Variants in CEP135 observed in about 807,000 individuals in gnomAD.
The protein encoded by CEP135 is centrosomal protein 135.
Under a neutral mutation model 157.3 loss-of-function variants are expected in CEP135, and 142 were observed. The observed-to-expected ratio is 0.90, with a 90% CI of 0.79 to 1.04. The LOEUF (loss-of-function observed/expected upper bound fraction) is 1.04. CEP135 is among the 50% of genes least tolerant of loss of function. CEP135 has a pLI of 0.00. For missense variants in CEP135, 1,317 were observed against 1,309.2 expected (o/e 1.01, Z -0.09); for synonymous variants, 396 against 439.8 (o/e 0.90, Z 1.25).
rs760955800 is a variant in CEP135 at position 55,964,289 on chromosome 4, C to T, written c.715C>T (p.Arg239Ter). 3.1e-6 allele frequency: 5 copies of T among 1,610,100 alleles called. No individual in the cohort carries two copies. Among genetic ancestry groups the T allele is most frequent in the African/African-American group, 2.7e-5 (2 of 74,718 alleles). ...ATATCTTCAGATTGAGCTAAGAGAA[C>T]GAGAGATAGAACGACTGTCAGTTGC... ...DYSKQIELRE[R>*]EIERLSVALD... The change falls in exon 7 of 26, where the codon CGA becomes TGA. Residue 239 changes from arginine (R) to a stop codon, truncating the protein, a stop_gained. Transcript: ENST00000257287. LOFTEE classifies it high-confidence loss of function.
intron 17 of CEP135, among the ~76,000 whole-genome samples, chr4:56,000,122 G>A (rs1045840447): frequency 2.6e-5 from 4 of 152,148 alleles, no homozygotes; most frequent in South Asian, 2.1e-4. Flanking sequence ...GCCCAGGGGC[G>A]GAGATTGCAC....
intron 8 of CEP135, among the ~76,000 whole-genome samples, chr4:55,967,122 A>G (rs534228309): frequency 6.6e-6 from 1 of 152,076 alleles, no homozygotes; most frequent in Non-Finnish European, 1.5e-5. Flanking sequence ...TTTAAAAAAA[A>G]TTCTGACAGC....
chr4:55,981,051 C>T (rs1234033522), intron 12 of CEP135, among the ~76,000 whole-genome samples, 176 bp from the exon 13 acceptor site: 1 of 152,082 alleles, frequency 6.6e-6, no homozygotes, highest in Non-Finnish European at 1.5e-5. Flanking sequence ...CCTCAATCCC[C>T]TTGTCTTTTT....
Position 56,031,700 on chromosome 4 carries a change from G to A in CEP135, c.*352G>A, listed in dbSNP as rs928064920. ...AATAATCTGTTTATTAATAAGCCAT[G>A]ATATGTGTATGTAAATATTCTTACA... On this transcript the variant is annotated 3_prime_UTR_variant, in exon 26 of 26. Transcript: ENST00000257287. 6.6e-6 allele frequency: 1 copy of A among 152,038 alleles called. No homozygotes were observed. Among genetic ancestry groups the A allele is most frequent in the Admixed American group, 6.6e-5 (1 of 15,258 alleles). The allele number at this position is 152,038 out of a possible 1,614,324, so 9.4% of individuals were successfully genotyped here.
At chr4:55,951,725 T>C (rs1183432809) in intron 1 of CEP135, among the ~76,000 whole-genome samples, 3 of 152,374 alleles carry the variant, frequency 2.0e-5, no homozygotes, top group African/African-American at 7.2e-5. Context: ...AGTATTTTGA[T>C]GAGCAGACAT....
chr4:55,976,235 CAAAAA>C (rs749867669), intron 11 of CEP135, among the ~76,000 whole-genome samples: 1 of 79,598 alleles, frequency 1.3e-5, no homozygotes. Context: ...GCCTGGGTGA[CAAAAA>C]AAAAAAAAAG....
At chr4:55,990,359 A>G (rs1266857448) in intron 14 of CEP135, among the ~76,000 whole-genome samples, 2 of 152,188 alleles carry the variant, frequency 1.3e-5, no homozygotes, top group African/African-American at 2.4e-5. Context: ...TAACTGGAAG[A>G]CTTACATTTA....
At chr4:56,024,754 T>G (rs1731097513) in intron 25 of CEP135, 140 bp downstream of exon 25, 1 of 622,016 alleles carries the variant, frequency 1.6e-6, no homozygotes. Context: ...AAGTTCTATA[T>G]CTTGGTGATA....
intron 14 of CEP135, among the ~76,000 whole-genome samples, chr4:55,986,295 G>C (rs537172208): frequency 3.3e-5 from 5 of 152,288 alleles, no homozygotes; most frequent in African/African-American, 1.2e-4. Flanking sequence ...CCAACACTTT[G>C]GGAGGCCAAG....
At chr4:55,961,260 A>G (rs1376505041) in intron 6 of CEP135, among the ~76,000 whole-genome samples, 2 of 152,144 alleles carry the variant, frequency 1.3e-5, no homozygotes, top group African/African-American at 4.8e-5. Context: ...TTATGAACAT[A>G]AACTTCTTAC....
intron 8 of CEP135, among the ~76,000 whole-genome samples, chr4:55,966,751 T>C (rs979587338): frequency 5.9e-5 from 9 of 152,170 alleles, no homozygotes; most frequent in African/African-American, 2.2e-4. Context: ...CCCTAAGTGC[T>C]CAGATTACAG....
rs1729541261 is a variant in CEP135, at chr4:55,985,297, G to A, written c.1796G>A (p.Ser599Asn). The A allele has an allele frequency of 1.3e-6, 2 of 1,583,288 alleles. No homozygotes were observed. Among genetic ancestry groups the A allele is most frequent in the Admixed American group, 1.7e-5 (1 of 59,244 alleles). The change falls in exon 14 of 26, where the codon AGT becomes AAT. Residue 599 changes from serine to asparagine, a missense_variant. Coordinates refer to ENST00000257287, the MANE Select transcript of CEP135 (RefSeq NM_025009.5). The part of the protein sequence containing the change: ...REKLEHIEEV[S>N]LFGKSELEKT... The stretch of plus-strand genomic sequence containing the variant: ...CTTTTTCAGCATATTGAAGAAGTGA[G>A]TCTTTTTGGAAAATCAGAATTAGAG...
At chr4:55,954,874 C>T (rs1004046636) in intron 4 of CEP135, among the ~76,000 whole-genome samples, 4 of 152,032 alleles carry the variant, frequency 2.6e-5, no homozygotes, top group African/African-American at 7.2e-5. Flanking sequence ...CATTTGAGGC[C>T]GCTTCAAGAC....
At chr4:56,030,171 A>G (rs1169773060) in intron 25 of CEP135, among the ~76,000 whole-genome samples, 1 of 152,150 alleles carries the variant, frequency 6.6e-6, no homozygotes, top group Non-Finnish European at 1.5e-5. Flanking sequence ...CAGGGGCAAT[A>G]ACATTTACGG....
chr4:55,965,645 T>A lies in CEP135; in HGVS notation c.830T>A (p.Val277Asp). The change falls in exon 8 of 26, where the codon GTT becomes GAT. Residue 277 changes from valine (V) to aspartate (D), a missense_variant and splice_region_variant. Coordinates refer to ENST00000257287, the MANE Select transcript of CEP135 (RefSeq NM_025009.5). ...EKLIAHLNIQ[V>D]DFLQQANKDL... Reference sequence around the variant, plus strand: ...TCATAAATTACAACTCCAATTTAGGTTGACTTTCTTCAGCAAGCTAATAAA... The same window carrying A: ...TCATAAATTACAACTCCAATTTAGGATGACTTTCTTCAGCAAGCTAATAAA... 3 of 1,600,396 alleles carry A rather than the reference T, an allele frequency of 1.9e-6. No homozygotes were observed. Among genetic ancestry groups the A allele is most frequent in the Non-Finnish European group, 2.6e-6 (3 of 1,176,074 alleles).
At position 55,959,784 on chromosome 4, in the gene CEP135, T is replaced by C. The variant is rs1407225157; in HGVS notation, c.699+18T>C. 2 of 1,568,402 alleles carry C rather than the reference T, an allele frequency of 1.3e-6. No homozygotes were observed. Among genetic ancestry groups the C allele is most frequent in the Non-Finnish European group, 1.8e-6 (2 of 1,138,482 alleles). ...GCAAGCAGGTAGGATTTTTATTTACTTGCATAGTAGGGATTGAGATAGGTA... is the reference window on the plus strand; with the variant it reads ...GCAAGCAGGTAGGATTTTTATTTACCTGCATAGTAGGGATTGAGATAGGTA... On this transcript the variant is annotated intron_variant, in intron 6 of 25. Coordinates refer to ENST00000257287, the MANE Select transcript of CEP135 (RefSeq NM_025009.5).
chr4:56,010,627 T>C (rs1730547978), intron 19 of CEP135, among the ~76,000 whole-genome samples: 4 of 152,104 alleles, frequency 2.6e-5, no homozygotes, highest in Admixed American at 2.6e-4. Context: ...TTTAATTATT[T>C]GTGCAAGCTT....
intron 13 of CEP135, among the ~76,000 whole-genome samples, chr4:55,983,044 T>A (rs994157126): frequency 6.6e-6 from 1 of 152,214 alleles, no homozygotes; most frequent in Admixed American, 6.5e-5. Context: ...AGTCTTTATG[T>A]CACAATGTTC....
intron 17 of CEP135, among the ~76,000 whole-genome samples, chr4:56,007,888 T>C (rs6849675): frequency 0.027 from 4,118 of 152,276 alleles, 198 homozygotes; most frequent in African/African-American, 0.093. Flanking sequence ...TAGCATTGTA[T>C]ATTTATTTTT....
Sources: allele counts gnomAD v4.1 joint callset (sites outside exome capture counted in the v4.1 genomes callset), GRCh38; gene constraint gnomAD v4.1.1; transcripts MANE v1.5; gene names NCBI Gene and HGNC (gene_info 2026-07-23, HGNC 2026-07-21).